Variants in FMN1 observed in about 807,000 individuals in gnomAD.
FMN1 encodes the protein formin-1.
A neutral mutation model predicts 132.4 loss-of-function variants in FMN1; 110 were observed. The ratio of observed to expected loss-of-function variants is 0.83; its 90% confidence interval spans 0.71 to 0.97. FMN1 has a LOEUF of 0.97. Ranked by LOEUF, FMN1 falls within the 50% of genes least tolerant of loss-of-function variation. The pLI, the probability that FMN1 is intolerant of heterozygous loss-of-function variation, is 0.00. For missense variants in FMN1, 1,792 were observed against 1,705.3 expected (o/e 1.05, Z -0.90); for synonymous variants, 722 against 651.7 (o/e 1.11, Z -1.64).
At chr15:33,091,252 C>G (rs1210295925) in intron 4 of FMN1, among the ~76,000 whole-genome samples, 3 of 152,170 alleles carry the variant, frequency 2.0e-5, no homozygotes, top group African/African-American at 7.2e-5. Flanking sequence ...CCCATAACAA[C>G]AAGGATTTGG....
intron 16 of FMN1, among the ~76,000 whole-genome samples, chr15:32,860,130 CAAAG>C (rs1184934574): frequency 2.6e-5 from 3 of 117,466 alleles, no homozygotes; most frequent in African/African-American, 3.2e-5. Flanking sequence ...AAGAGAGAGA[CAAAG>C]AGAGAAAGAA....
chr15:32,961,830 T>A (rs2030590941), intron 9 of FMN1, among the ~76,000 whole-genome samples: 1 of 152,186 alleles, frequency 6.6e-6, no homozygotes, highest in Non-Finnish European at 1.5e-5. Flanking sequence ...ACAGTCAATG[T>A]GTGGCAGAGG....
chr15:32,772,667 T>G lies in FMN1; in HGVS notation c.*1643A>C, dbSNP rs2056287834. The G allele has an allele frequency of 6.6e-6, 1 of 152,246 alleles. No homozygotes were observed. The highest frequency in any genetic ancestry group is 2.4e-5 in the African/African-American group (1 of 41,476). 9.4% of individuals were successfully genotyped at this position (152,246 alleles called of 1,614,324 possible). A position where few individuals can be genotyped will look rare whatever the true frequency, so the allele number is the denominator to read the frequency against. On this transcript the variant is annotated 3_prime_UTR_variant, in exon 21 of 21. Coordinates refer to ENST00000616417, the MANE Select transcript of FMN1 (RefSeq NM_001277313.2). ...ACCATGTTACCATATTCCTTTCAGT[T>G]GCACCAGTAGAAAAGGCGGTTAGCA... is the stretch of plus-strand genomic sequence containing the variant.
chr15:32,788,238 C>T (rs1432250887), intron 19 of FMN1, among the ~76,000 whole-genome samples: 1 of 152,202 alleles, frequency 6.6e-6, no homozygotes, highest in African/African-American at 2.4e-5. Context: ...CAGAGCCGAC[C>T]CGGCGATTTA....
At chr15:32,823,076 C>T (rs1217783114) in intron 17 of FMN1, among the ~76,000 whole-genome samples, 1 of 151,586 alleles carries the variant, frequency 6.6e-6, no homozygotes, top group East Asian at 1.9e-4. Context: ...CCTGAGCTAC[C>T]CAAGGCACTG....
chr15:32,874,728 G>C (rs1055793496), intron 16 of FMN1, among the ~76,000 whole-genome samples: 4 of 152,198 alleles, frequency 2.6e-5, no homozygotes, highest in Non-Finnish European at 2.9e-5. Flanking sequence ...TAAAGGACTT[G>C]ATCTTTCAGT....
chr15:32,854,222 C>T (rs1371686865), intron 17 of FMN1, among the ~76,000 whole-genome samples: 1 of 151,998 alleles, frequency 6.6e-6, no homozygotes, highest in African/African-American at 2.4e-5. Flanking sequence ...TTTCAAAACC[C>T]CGTGTTTTAC....
At chr15:32,853,715 C>A (rs2059061445) in intron 17 of FMN1, among the ~76,000 whole-genome samples, 1 of 152,204 alleles carries the variant, frequency 6.6e-6, no homozygotes, top group South Asian at 2.1e-4. Context: ...TTCTTAACCA[C>A]AAACCCTAAA....
At chr15:32,938,599 T>A (rs1348127285) in intron 9 of FMN1, among the ~76,000 whole-genome samples, 1 of 152,192 alleles carries the variant, frequency 6.6e-6, no homozygotes, top group Non-Finnish European at 1.5e-5. Flanking sequence ...AGATCCTTAG[T>A]CATGCAAGTT....
At chr15:32,917,315 G>A (rs1288009340) in intron 10 of FMN1, among the ~76,000 whole-genome samples, 1 of 152,096 alleles carries the variant, frequency 6.6e-6, no homozygotes, top group Non-Finnish European at 1.5e-5. Context: ...TGGACACTAG[G>A]TTCCACCTCC....
intron 7 of FMN1, among the ~76,000 whole-genome samples, chr15:32,980,031 C>T (rs1441828584): frequency 4.6e-5 from 7 of 152,004 alleles, no homozygotes; most frequent in Non-Finnish European, 1.0e-4. Flanking sequence ...ATGGGTTTTA[C>T]GTTATAGGCA....
chr15:33,111,939 T>TTATATATAA (rs1485250995), intron 4 of FMN1, among the ~76,000 whole-genome samples: 2 of 152,208 alleles, frequency 1.3e-5, no homozygotes, highest in East Asian at 3.9e-4. Context: ...TTATATGGCA[T>TTATATATAA]GTGTATTATA....
At chr15:33,067,960 G>A in intron 5 of FMN1, 1 of 1,515,358 alleles carries the variant, frequency 6.6e-7, no homozygotes, top group South Asian at 1.4e-5. Flanking sequence ...CACTCCATCT[G>A]CTCTTAATTT....
chr15:32,835,210 C>T (rs1283655916), intron 17 of FMN1, among the ~76,000 whole-genome samples: 2 of 152,054 alleles, frequency 1.3e-5, no homozygotes, highest in Admixed American at 6.6e-5. Flanking sequence ...GGCCTGACCA[C>T]GTAATCACAG....
intron 19 of FMN1, among the ~76,000 whole-genome samples, 155 bp from the exon 20 acceptor site, chr15:32,777,074 G>C (rs2056444063): frequency 6.6e-6 from 1 of 152,116 alleles, no homozygotes; most frequent in Non-Finnish European, 1.5e-5. Flanking sequence ...TTTTTTCAAT[G>C]CTTGTTATTA....
At chr15:33,117,970 A>G (rs2039991185) in intron 4 of FMN1, among the ~76,000 whole-genome samples, 1 of 152,182 alleles carries the variant, frequency 6.6e-6, no homozygotes, top group Admixed American at 6.5e-5. Context: ...TGTTCCTAGA[A>G]AGAAAATTGT....
chr15:33,038,591 G>A (rs1457306440), intron 6 of FMN1, among the ~76,000 whole-genome samples: 1 of 152,134 alleles, frequency 6.6e-6, no homozygotes, highest in Admixed American at 6.5e-5. Flanking sequence ...AATTTTTATT[G>A]CATCTAACCT....
At chr15:32,895,361 A>G (rs910137339) in intron 15 of FMN1, among the ~76,000 whole-genome samples, 9 of 146,376 alleles carry the variant, frequency 6.1e-5, no homozygotes, top group South Asian at 2.2e-4. Flanking sequence ...AAGAGGAAGG[A>G]AAAAAAAAAA....
intron 7 of FMN1, among the ~76,000 whole-genome samples, chr15:32,983,793 A>G (rs140842509): frequency 6.6e-6 from 1 of 152,204 alleles, no homozygotes; most frequent in Non-Finnish European, 1.5e-5. Context: ...AACCTCTTTC[A>G]TCAACACTAC....
Sources: gnomAD v4.1 joint callset for allele counts (sites outside exome capture counted in the v4.1 genomes callset) on GRCh38, gnomAD v4.1.1 for gene constraint, MANE v1.5 for transcripts, NCBI Gene and HGNC (gene_info 2026-07-23, HGNC 2026-07-21) for gene names.